Variants in SCOC observed in about 807,000 individuals in gnomAD.
SCOC encodes the protein short coiled coil protein.
In SCOC, 7 loss-of-function variants were observed where a neutral mutation model predicts 9.9. The observed-to-expected ratio is 0.71, with a 90% CI of 0.40 to 1.33. The LOEUF is 1.33. Among genes scored for constraint, SCOC ranks in the 40% most tolerant of loss-of-function variants. SCOC has a pLI of 0.01. For missense variants in SCOC, 66 were observed against 89.7 expected (o/e 0.74, Z 1.07); for synonymous variants, 19 against 28.2 (o/e 0.67, Z 1.03).
chr4:140,305,501 T>C (rs1578791759), intron 1 of SCOC, among the ~76,000 whole-genome samples: 1 of 152,196 alleles, frequency 6.6e-6, no homozygotes, highest in South Asian at 2.1e-4. Flanking sequence ...TAATCAAAAC[T>C]GCAAGATCTC....
At chr4:140,317,569 G>A (rs1169911895) in intron 1 of SCOC, among the ~76,000 whole-genome samples, 1 of 150,972 alleles carries the variant, frequency 6.6e-6, no homozygotes, top group Non-Finnish European at 1.5e-5. Flanking sequence ...CTCACTGGGG[G>A]AGCTCAGTTT....
At chr4:140,348,314 T>TGGAG (rs1726829294) in intron 2 of SCOC, among the ~76,000 whole-genome samples, 1 of 152,296 alleles carries the variant, frequency 6.6e-6, no homozygotes, top group East Asian at 1.9e-4. Flanking sequence ...CGCAATATCC[T>TGGAG]CACCCTCCAA....
intron 1 of SCOC, among the ~76,000 whole-genome samples, chr4:140,324,248 T>G (rs765153328): frequency 2.6e-5 from 4 of 152,144 alleles, no homozygotes; most frequent in African/African-American, 4.8e-5. Flanking sequence ...ACTAGCATCA[T>G]ACTTAAGAGT....
At chr4:140,336,526 G>A (rs963004485) in intron 1 of SCOC, among the ~76,000 whole-genome samples, 11 of 152,132 alleles carry the variant, frequency 7.2e-5, no homozygotes, top group Non-Finnish European at 1.2e-4. Flanking sequence ...CTGTTTTTGA[G>A]GTTTATCTAA....
chr4:140,366,255 G>T, intron 2 of SCOC: 3 of 1,284,194 alleles, frequency 2.3e-6, no homozygotes, highest in East Asian at 2.7e-5. Flanking sequence ...AAACGCTTTT[G>T]GAGCAGGTGC....
chr4:140,262,470 A>G (rs1362790024), intron 1 of SCOC, among the ~76,000 whole-genome samples: 1 of 152,202 alleles, frequency 6.6e-6, no homozygotes, highest in Non-Finnish European at 1.5e-5. Context: ...TATAATCTCC[A>G]AAACACTGCC....
chr4:140,263,482 C>T (rs750973645), intron 1 of SCOC, among the ~76,000 whole-genome samples: 9 of 152,126 alleles, frequency 5.9e-5, no homozygotes, highest in African/African-American at 9.7e-5. Context: ...GTGAGCTGCT[C>T]GCTGCTGAAA....
At chr4:140,275,825 T>C (rs1730967226) in intron 1 of SCOC, among the ~76,000 whole-genome samples, 1 of 148,600 alleles carries the variant, frequency 6.7e-6, no homozygotes, top group Non-Finnish European at 1.5e-5. Context: ...GGTTTGTTTT[T>C]TTTTTTTTTT....
intron 1 of SCOC, among the ~76,000 whole-genome samples, chr4:140,276,865 G>A (rs1250080517): frequency 6.6e-6 from 1 of 152,146 alleles, no homozygotes; most frequent in Non-Finnish European, 1.5e-5. Flanking sequence ...CACATATCAG[G>A]AGGGGGTATA....
intron 1 of SCOC, among the ~76,000 whole-genome samples, chr4:140,377,129 C>G: frequency 6.6e-6 from 1 of 152,182 alleles, no homozygotes; most frequent in East Asian, 1.9e-4. Context: ...ACTCAGACCT[C>G]TTTTAGCTGG....
At chr4:140,303,176 C>G (rs570378627) in intron 1 of SCOC, among the ~76,000 whole-genome samples, 1 of 152,112 alleles carries the variant, frequency 6.6e-6, no homozygotes, top group Non-Finnish European at 1.5e-5. Context: ...ATGCAAAGAG[C>G]CTTTATCTTG....
upstream of SCOC, chr4:140,373,466 T>G (rs533844459): frequency 1.8e-4 from 284 of 1,549,016 alleles, no homozygotes; most frequent in Admixed American, 3.3e-4. Flanking sequence ...TGGATGTCAG[T>G]GTCCTTTTGT....
chr4:140,301,946 C>A (rs1211234769), intron 1 of SCOC, among the ~76,000 whole-genome samples: 1 of 152,170 alleles, frequency 6.6e-6, no homozygotes, highest in East Asian at 1.9e-4. Flanking sequence ...ATTCTCCCAT[C>A]TTAGCCTCCC....
At chr4:140,373,886 C>G in intron 1 of SCOC, 169 bp downstream of exon 1, 1 of 763,484 alleles carries the variant, frequency 1.3e-6, no homozygotes, top group East Asian at 2.7e-5. Context: ...GGAGGCCTGG[C>G]TCCCGGCAGA....
At chr4:140,321,257 CT>C (rs1732492843) in intron 1 of SCOC, among the ~76,000 whole-genome samples, 1 of 152,130 alleles carries the variant, frequency 6.6e-6, no homozygotes, top group South Asian at 2.1e-4. Context: ...ATCTACTGCC[CT>C]GTATAACATA....
chr4:140,346,422 G>A (rs990956666), intron 2 of SCOC, among the ~76,000 whole-genome samples: 8 of 152,158 alleles, frequency 5.3e-5, no homozygotes, highest in African/African-American at 1.9e-4. Context: ...ACTGATCCCT[G>A]TGTGACTGGT....
At chr4:140,353,470 G>C (rs1422740287) in intron 2 of SCOC, among the ~76,000 whole-genome samples, 1 of 151,306 alleles carries the variant, frequency 6.6e-6, no homozygotes, top group Non-Finnish European at 1.5e-5. Flanking sequence ...GAGTGCAGTG[G>C]CATGATCTTG....
rs1407620272 is a variant in SCOC at position 140,381,230 on chromosome 4, T to TAGA, written c.*127_*129dup. 3 of 886,736 alleles carry TAGA rather than the reference T, an allele frequency of 3.4e-6. No individual in the cohort carries two copies. Among genetic ancestry groups the TAGA allele is most frequent in the Non-Finnish European group, 5.0e-6 (3 of 603,704 alleles). 54.9% of individuals were successfully genotyped at this position (886,736 alleles called of 1,614,324 possible). A position where few individuals can be genotyped will look rare whatever the true frequency, so the allele number is the denominator to read the frequency against. On this transcript the variant is annotated 3_prime_UTR_variant, in exon 4 of 4. Transcript: ENST00000608372. ...ATATTTATGAAGATAATGTCAGATG[T>TAGA]AGACAAAAATAACACAATAACAGGA...
intron 1 of SCOC, among the ~76,000 whole-genome samples, chr4:140,261,306 T>C (rs1001421191): frequency 3.3e-5 from 5 of 152,154 alleles, no homozygotes; most frequent in Non-Finnish European, 7.4e-5. Context: ...TTAGGGCTAA[T>C]GAAAAGAAAA....
Sources: allele counts gnomAD v4.1 joint callset (sites outside exome capture counted in the v4.1 genomes callset), GRCh38; gene constraint gnomAD v4.1.1; transcripts MANE v1.5; gene names NCBI Gene and HGNC (gene_info 2026-07-23, HGNC 2026-07-21).